Variants in NFRKB observed in about 807,000 individuals in gnomAD.
NFRKB encodes the protein nuclear factor related to kappa-B-binding protein.
NFRKB carries 62 observed loss-of-function variants against 135.7 expected under a neutral mutation model. The ratio of observed to expected loss-of-function variants is 0.46; its 90% CI spans 0.37 to 0.56. The LOEUF (loss-of-function observed/expected upper bound fraction) is 0.56. NFRKB is among the 20% of genes least tolerant of loss of function. NFRKB has a pLI of 0.00. For synonymous variants in NFRKB, 678 were observed against 635.6 expected (o/e 1.07, Z -1.00); for missense variants, 1,545 against 1,662.0 (o/e 0.93, Z 1.22).
Position 129,876,786 on chromosome 11 carries a change from T to C in NFRKB, c.1682A>G (p.Asn561Ser), listed in dbSNP as rs1329081873. ...KGVFDKETSL[N>S]KAREHSLLRS... ...CAGCAGGGAGTGCTCCCGAGCCTTG[T>C]TGAGCGAGGTCTCCTTGTCAAACAC... Residue 561 changes from asparagine (N) to serine (S), a missense_variant, in exon 17 of 27, where the codon AAC (asparagine) becomes AGC (serine). Asn to Ser is a conservative substitution (Grantham distance 46). Coordinates refer to ENST00000682444, the MANE Select transcript of NFRKB (RefSeq NM_001143835.2). 1 of 1,614,134 alleles carries C rather than the reference T, an allele frequency of 6.2e-7. No homozygotes were observed. The highest frequency in any genetic ancestry group is 1.3e-5 in the African/African-American group (1 of 75,040).
Position 129,865,917 on chromosome 11 carries a change from C to T in NFRKB, c.3598G>A (p.Val1200Met), listed in dbSNP as rs756417066. 8.7e-6 allele frequency: 14 copies of T among 1,613,916 alleles called. No homozygotes were observed. The highest frequency in any genetic ancestry group is 1.6e-4 in the Middle Eastern group (1 of 6,084). ...CCTTTGATGATGGGGGCTGTGACCA[C>T]GCTCTTGCCCTTCATTGGCTGGCTG... ...VISQPMKGKS[V>M]VTAPIIKGNL... The change falls in exon 25 of 27, where the codon GTG becomes ATG. Residue 1200 changes from valine (V) to methionine (M), a missense_variant. Val to Met is a conservative substitution (Grantham distance 21). Around this residue, in one of 3 missense-constraint regions of NFRKB, gnomAD observed 753 missense variants for 804.3 expected, o/e 0.94. Coordinates refer to ENST00000682444, the MANE Select transcript of NFRKB (RefSeq NM_001143835.2).
At position 129,870,250 on chromosome 11, in the gene NFRKB, A is replaced by C. The variant is rs781288886; in HGVS notation, c.2775T>G (p.Thr925=). ...TTTGGGGCTTCACACCAAGCTGCCC[A>C]GTGATTGCCACCTGAATGGGGAGAA... ...GQNIIKQVAI[T]GQLGVKPQTG... Residue 925 remains threonine, a synonymous_variant, in exon 24 of 27, where the codon ACT becomes ACG. Coordinates refer to ENST00000682444, the MANE Select transcript of NFRKB (RefSeq NM_001143835.2). The C allele has an allele frequency of 6.2e-7, 1 of 1,612,440 alleles. No individual in the cohort carries two copies. The highest frequency in any genetic ancestry group is 8.5e-7 in the Non-Finnish European group (1 of 1,178,586).
intron 8 of NFRKB, 104 bp downstream of exon 8, chr11:129,883,966 G>A: frequency 3.4e-6 from 4 of 1,181,332 alleles, no homozygotes; most frequent in Admixed American, 1.7e-5. Flanking sequence ...CAGTGGTAGG[G>A]AGGACATACA....
chr11:129,889,355 C>T (rs1949429731), intron 3 of NFRKB, among the ~76,000 whole-genome samples: 1 of 152,000 alleles, frequency 6.6e-6, no homozygotes, highest in Non-Finnish European at 1.5e-5. Flanking sequence ...AATAATTATC[C>T]AGAGGAAAAT....
intron 5 of NFRKB, 74 bp downstream of exon 5, chr11:129,886,243 C>T (rs746803460): frequency 4.1e-5 from 62 of 1,530,476 alleles, no homozygotes; most frequent in Non-Finnish European, 5.2e-5. Flanking sequence ...TTGTGTTTTG[C>T]ACCTGAATTG....
chr11:129,892,611 A>G, intron 3 of NFRKB, 104 bp downstream of exon 3: 2 of 1,248,642 alleles, frequency 1.6e-6, no homozygotes, highest in Admixed American at 2.1e-5. Context: ...AAAATGAACA[A>G]AAGGGAGCAC....
chr11:129,865,202 A>G (rs779031280), intron 25 of NFRKB, 101 bp from the exon 26 acceptor site: 2 of 1,391,104 alleles, frequency 1.4e-6, no homozygotes, highest in Non-Finnish European at 2.0e-6. Context: ...GTCTGTGCCA[A>G]TGAAAATCCC....
At position 129,878,317 on chromosome 11, in the gene NFRKB, G is replaced by C. The variant is rs779298630; in HGVS notation, c.1503C>G (p.Val501=). 1 of 1,614,124 alleles carries C rather than the reference G, an allele frequency of 6.2e-7. No homozygotes were observed. Among genetic ancestry groups the C allele is most frequent in the East Asian group, 2.2e-5 (1 of 44,882 alleles). ...TACAGTATTGTACTCACACCCGAGG[G>C]ACAGGTGTTGTGGCATCTGAGCTGT... ...NEDSSDATTP[V]PRVRTDYVVR... is the part of the protein sequence containing the mutation. The change falls in exon 15 of 27, where the codon GTC becomes GTG. Residue 501 remains valine, a synonymous_variant. Coordinates refer to ENST00000682444, the MANE Select transcript of NFRKB (RefSeq NM_001143835.2).
chr11:129,883,299 G>GT lies in NFRKB; in HGVS notation c.817-94dup. 7.0e-6 allele frequency: 6 copies of GT among 859,452 alleles called. No individual in the cohort carries two copies. The South Asian group carries it at 8.5e-5, about 12-fold the overall frequency. 53.2% of individuals were successfully genotyped at this position (859,452 alleles called of 1,614,324 possible). ...AATTTATGTAACAATTAGATGTTAG[G>GT]TACACTTGGGGAAATCACATTGAGT... On this transcript the variant is annotated intron_variant, in intron 8 of 26. Transcript: ENST00000682444.
In NFRKB at chr11:129,874,184, G is replaced by A. The variant is rs934625121; in HGVS notation, c.2208C>T (p.Ser736=). 2.0e-6 allele frequency: 3 copies of A among 1,521,042 alleles called. No homozygotes were observed. The African/African-American group carries it at 4.2e-5, about 21-fold the overall frequency. The allele number at this position is 1,521,042 out of a possible 1,614,324, so 94.2% of individuals were successfully genotyped here. The change falls in exon 21 of 27, where the codon TCC becomes TCT. Residue 736 remains serine, a synonymous_variant. Coordinates refer to ENST00000682444, the MANE Select transcript of NFRKB (RefSeq NM_001143835.2). This position sits in a 1 kb window ranked among gnomAD's most constrained non-coding sequence, Gnocchi z 4.5. Reference sequence around the variant, plus strand: ...TGTTCACTGCCGATACAGGTGGAGGGGAGATGGGAATGGCGGGCAATGCTG... The same window carrying A: ...TGTTCACTGCCGATACAGGTGGAGGAGAGATGGGAATGGCGGGCAATGCTG... ...TTPALPAIPI[S]PPPVSAVNKS...
chr11:129,883,958 G>C, intron 8 of NFRKB, 112 bp downstream of exon 8: 1 of 1,129,598 alleles, frequency 8.9e-7, no homozygotes, highest in Non-Finnish European at 1.4e-6. Context: ...TGTGCCCACA[G>C]TGGTAGGGAG....
rs184234954 is a variant in NFRKB, at chr11:129,869,485, G to C, written c.3531+9C>G. ...AAAGAAGGCCTAAGCTTTACCACTA[G>C]TTACTCACAGCCTGGGACGTGGACA... On this transcript the variant is annotated intron_variant, in intron 24 of 26. Transcript: ENST00000682444. 2.5e-5 allele frequency: 40 copies of C among 1,596,978 alleles called. No homozygotes were observed. In the East Asian group the frequency reaches 8.7e-4, roughly 35 times the overall value.
Position 129,882,556 on chromosome 11 carries a change from A to C in NFRKB, c.977T>G (p.Ile326Ser). 6.2e-7 allele frequency: 1 copy of C among 1,613,854 alleles called. No homozygotes were observed. The highest frequency in any genetic ancestry group is 1.3e-5 in the African/African-American group (1 of 74,946). The change falls in exon 10 of 27, where the codon ATC becomes AGC. Residue 326 changes from isoleucine to serine, a missense_variant. This residue lies in a region of NFRKB where 678 missense variants were observed against 646.7 expected (regional missense o/e 1.05). Transcript: ENST00000682444. The part of the protein sequence containing the change: ...EEKKKKKIKT[I>S]KSEAEDLAEP... ...GGCCAGGTCCTCTGCCTCTGATTTG[A>C]TCGTTTTTATTTTCTTCTTCTTCTT...
chr11:129,875,393 G>A lies in NFRKB; in HGVS notation c.1818C>T (p.Asp606=), dbSNP rs1203763020. The A allele has an allele frequency of 6.2e-7, 1 of 1,613,510 alleles. No homozygotes were observed. ...TRAEICELLK[D]SQFLAPDVTS... Reference sequence around the variant, plus strand: ...TGACATCTGGTGCAAGAAACTGGGAGTCCTTAAGCAGTTCACAGATCTCTG... The same window carrying A: ...TGACATCTGGTGCAAGAAACTGGGAATCCTTAAGCAGTTCACAGATCTCTG... The change falls in exon 18 of 27, where the codon GAC becomes GAT. Residue 606 remains aspartate (D), a synonymous_variant. Coordinates refer to ENST00000682444, the MANE Select transcript of NFRKB (RefSeq NM_001143835.2).
At chr11:129,885,047 CA>C (rs1949208758) in intron 6 of NFRKB, among the ~76,000 whole-genome samples, 1 of 152,162 alleles carries the variant, frequency 6.6e-6, no homozygotes, top group Non-Finnish European at 1.5e-5. Context: ...GAGACTTCAA[CA>C]GAGTGCTGGG....
rs1462685816 is a variant in NFRKB, at chr11:129,870,121, C to T, written c.2904G>A (p.Thr968=). 1.2e-6 allele frequency: 2 copies of T among 1,614,272 alleles called. No individual in the cohort carries two copies. Among genetic ancestry groups the T allele is most frequent in the South Asian group, 1.1e-5 (1 of 91,090 alleles). ...SSITTDAKGQ[T]VLRITPDMMA... Reference sequence around the variant, plus strand: ...TCATGTCCGGAGTGATTCGCAGAACCGTCTGGCCCTTGGCATCTGTGGTGA... The same window carrying T: ...TCATGTCCGGAGTGATTCGCAGAACTGTCTGGCCCTTGGCATCTGTGGTGA... The change falls in exon 24 of 27, where the codon ACG becomes ACA. Residue 968 remains threonine, a synonymous_variant. Transcript: ENST00000682444.
chr11:129,876,348 A>G (rs1948764988), intron 17 of NFRKB, among the ~76,000 whole-genome samples: 1 of 152,240 alleles, frequency 6.6e-6, no homozygotes, highest in Non-Finnish European at 1.5e-5. Flanking sequence ...CATACATTTA[A>G]AAGCATAACT....
Position 129,882,651 on chromosome 11 carries a change from C to G in NFRKB, c.902-20G>C. 1 of 1,609,522 alleles carries G rather than the reference C, an allele frequency of 6.2e-7. No individual in the cohort carries two copies. The highest frequency in any genetic ancestry group is 8.5e-7 in the Non-Finnish European group (1 of 1,178,012). On this transcript the variant is annotated intron_variant, in intron 9 of 26. Transcript: ENST00000682444. ...ATAAGGCTAGAAAGGCAAAGTAACA[C>G]CAGTCACAGAAATGTATCTCCTACA... is the stretch of plus-strand genomic sequence containing the variant.
chr11:129,881,425 G>T lies in NFRKB; in HGVS notation c.1384+18C>A. 6.2e-7 allele frequency: 1 copy of T among 1,613,174 alleles called. No homozygotes were observed. Among genetic ancestry groups the T allele is most frequent in the Non-Finnish European group, 8.5e-7 (1 of 1,179,158 alleles). On this transcript the variant is annotated intron_variant, in intron 13 of 26. Coordinates refer to ENST00000682444, the MANE Select transcript of NFRKB (RefSeq NM_001143835.2). ...GGAGAACGAAAACCTGTTGGGGTAGGTAATACGGATCACTTACCAAGCAAC... is the reference window on the plus strand; with the variant it reads ...GGAGAACGAAAACCTGTTGGGGTAGTTAATACGGATCACTTACCAAGCAAC...
Sources: allele counts gnomAD v4.1 joint callset (sites outside exome capture counted in the v4.1 genomes callset), GRCh38; gene constraint gnomAD v4.1.1; regional missense constraint gnomAD v4.1.1; non-coding constraint Gnocchi (gnomAD v3.1); transcripts MANE v1.5; gene names NCBI Gene and HGNC (gene_info 2026-07-23, HGNC 2026-07-21).